The following NXPE2 variants were observed in gnomAD, a reference collection of about 807,000 sequenced individuals.
The protein encoded by NXPE2 is NXPE family member 2.
NXPE2 carries 34 observed loss-of-function variants against 34.4 expected under a neutral mutation model. That is an observed-to-expected ratio of 0.99 (90% CI 0.75 to 1.31). The LOEUF is 1.31. Among genes scored for constraint, NXPE2 ranks in the 40% most tolerant of loss-of-function variants. The pLI, the probability that NXPE2 is intolerant of heterozygous loss-of-function variation, is 0.00. For synonymous variants in NXPE2, 235 were observed against 231.3 expected (o/e 1.02, Z -0.15); for missense variants, 649 against 672.5 (o/e 0.97, Z 0.39).
chr11:114,473,862 C>T, the NXPE2 span, among the ~76,000 whole-genome samples: 9 of 151,866 alleles, frequency 5.9e-5, no homozygotes, highest in Non-Finnish European at 8.8e-5. Context: ...TTTCATGGCT[C>T]GGTTTCTTTA....
At chr11:114,537,646 C>T in the NXPE2 span, among the ~76,000 whole-genome samples, 2 of 152,138 alleles carry the variant, frequency 1.3e-5, no homozygotes, top group Non-Finnish European at 2.9e-5. Context: ...AACAGACAAA[C>T]AGAGAGCCAA....
the NXPE2 span, chr11:114,553,972 A>G: frequency 2.0e-6 from 2 of 985,434 alleles, no homozygotes; most frequent in Non-Finnish European, 2.4e-6. Context: ...CCCTGCTCAT[A>G]GGAATCTCAA....
At chr11:114,806,505 C>G in the NXPE2 span, among the ~76,000 whole-genome samples, 3 of 152,080 alleles carry the variant, frequency 2.0e-5, no homozygotes, top group Non-Finnish European at 2.9e-5. Context: ...CCTTAAAGGA[C>G]CTGATGGAGC....
At chr11:114,736,792 AAT>A in the NXPE2 span, among the ~76,000 whole-genome samples, 1 of 152,218 alleles carries the variant, frequency 6.6e-6, no homozygotes, top group Non-Finnish European at 1.5e-5. Context: ...AGGCATAAGA[AAT>A]TATAAAAGTA....
the NXPE2 span, among the ~76,000 whole-genome samples, chr11:114,811,550 G>T: frequency 6.6e-6 from 1 of 152,118 alleles, no homozygotes; most frequent in African/African-American, 2.4e-5. Flanking sequence ...ACGGAACGAG[G>T]CAAACAGCCA....
chr11:114,577,827 G>C, the NXPE2 span, among the ~76,000 whole-genome samples: 1 of 152,100 alleles, frequency 6.6e-6, no homozygotes, highest in African/African-American at 2.4e-5. Context: ...CCTCAAGACT[G>C]AAATTATATT....
At chr11:114,676,126 T>C (rs947978061), upstream of NXPE2, among the ~76,000 whole-genome samples, 1 of 151,908 alleles carries the variant, frequency 6.6e-6, no homozygotes, top group African/African-American at 2.4e-5. Flanking sequence ...GACTTAAACA[T>C]AGGACCTGAA....
chr11:114,772,866 A>G, the NXPE2 span, among the ~76,000 whole-genome samples: 7 of 152,282 alleles, frequency 4.6e-5, no homozygotes, highest in Admixed American at 4.6e-4. Flanking sequence ...TCGTCTCAGC[A>G]TAGTCTGTCT....
the NXPE2 span, among the ~76,000 whole-genome samples, chr11:114,805,690 A>C: frequency 5.3e-5 from 8 of 152,212 alleles, no homozygotes; most frequent in Non-Finnish European, 1.0e-4. Context: ...TAAACAAAGC[A>C]GCCGGGAAGC....
chr11:114,479,692 T>C, the NXPE2 span, among the ~76,000 whole-genome samples: 3 of 152,112 alleles, frequency 2.0e-5, no homozygotes, highest in Non-Finnish European at 4.4e-5. Context: ...GAGACAGGGC[T>C]GGAGTTTGCA....
the NXPE2 span, among the ~76,000 whole-genome samples, chr11:114,512,304 T>C: frequency 2.0e-5 from 3 of 152,212 alleles, no homozygotes; most frequent in African/African-American, 7.2e-5. Flanking sequence ...ACCTTCCTGC[T>C]TCATCTTTTG....
chr11:114,609,946 G>A, the NXPE2 span, among the ~76,000 whole-genome samples: 6 of 151,372 alleles, frequency 4.0e-5, no homozygotes, highest in Non-Finnish European at 7.4e-5. Flanking sequence ...TGCCTCGTGG[G>A]TAACCACTGT....
the NXPE2 span, among the ~76,000 whole-genome samples, chr11:114,741,534 A>G: frequency 6.6e-6 from 1 of 151,728 alleles, no homozygotes; most frequent in Admixed American, 6.6e-5. Flanking sequence ...TAACTGGACC[A>G]TTTCAAATGA....
chr11:114,798,972 A>C, the NXPE2 span, among the ~76,000 whole-genome samples: 1 of 151,904 alleles, frequency 6.6e-6, no homozygotes, highest in Non-Finnish European at 1.5e-5. Flanking sequence ...GCAGGCGTGG[A>C]CTCCTTGCCG....
chr11:114,727,250 G>C, the NXPE2 span, among the ~76,000 whole-genome samples: 70 of 152,118 alleles, frequency 4.6e-4, no homozygotes, highest in African/African-American at 1.5e-3. Flanking sequence ...CTGAGATCAG[G>C]GTGTCAGCAT....
the NXPE2 span, among the ~76,000 whole-genome samples, chr11:114,643,316 C>T: frequency 6.6e-6 from 1 of 152,048 alleles, no homozygotes; most frequent in Non-Finnish European, 1.5e-5. Context: ...GTGTTTTAGT[C>T]ATGAAGTCTT....
At chr11:114,802,120 G>A in the NXPE2 span, among the ~76,000 whole-genome samples, 1 of 152,148 alleles carries the variant, frequency 6.6e-6, no homozygotes, top group South Asian at 2.1e-4. Context: ...ATTTAGAAGA[G>A]GACGATCCTG....
the NXPE2 span, chr11:114,527,955 A>T: frequency 7.4e-7 from 1 of 1,355,960 alleles, no homozygotes; most frequent in South Asian, 1.3e-5. Context: ...CATGTAACAC[A>T]GGTGAATCAT....
chr11:114,571,063 G>A, the NXPE2 span: 10 of 1,613,748 alleles, frequency 6.2e-6, no homozygotes, highest in African/African-American at 1.1e-4. Context: ...CTGAGATCCT[G>A]GAAAATGTCC....
Sources: gnomAD v4.1 joint callset for allele counts (sites outside exome capture counted in the v4.1 genomes callset) on GRCh38, gnomAD v4.1.1 for gene constraint, MANE v1.5 for transcripts, NCBI Gene and HGNC (gene_info 2026-07-23, HGNC 2026-07-21) for gene names.